The following MDFIC2 variants were observed in gnomAD, a reference collection of about 807,000 sequenced individuals.
The protein encoded by MDFIC2 is myoD family inhibitor domain-containing protein 2.
At chr3:70,287,871 G>C (rs376353497) in intron 2 of MDFIC2, among the ~76,000 whole-genome samples, 39 of 148,208 alleles carry the variant, frequency 2.6e-4, no homozygotes, top group South Asian at 4.3e-4. Flanking sequence ...ATTCTCTGAT[G>C]GTAGTTTGTA....
chr3:70,301,747 T>G (rs1702350750), intron 2 of MDFIC2, among the ~76,000 whole-genome samples: 1 of 152,104 alleles, frequency 6.6e-6, no homozygotes, highest in East Asian at 1.9e-4. Flanking sequence ...AAGATTTATT[T>G]ATATAAACTT....
At chr3:70,243,072 G>A (rs1701677166) in intron 2 of MDFIC2, among the ~76,000 whole-genome samples, 1 of 152,110 alleles carries the variant, frequency 6.6e-6, no homozygotes, top group Admixed American at 6.6e-5. Context: ...CTAATTGTAA[G>A]GTGGAGGAAT....
intron 2 of MDFIC2, among the ~76,000 whole-genome samples, chr3:70,273,004 C>G (rs1701988727): frequency 6.6e-6 from 1 of 152,180 alleles, no homozygotes. Flanking sequence ...CAAATCACTT[C>G]CTCCCTTATC....
At chr3:70,311,248 T>C (rs751190090) in intron 2 of MDFIC2, among the ~76,000 whole-genome samples, 72 of 152,178 alleles carry the variant, frequency 4.7e-4, no homozygotes, top group Non-Finnish European at 3.8e-4. Context: ...TGTTACCTTT[T>C]TGACATATTA....
At chr3:70,272,981 C>G (rs1159288319) in intron 2 of MDFIC2, among the ~76,000 whole-genome samples, 1 of 152,190 alleles carries the variant, frequency 6.6e-6, no homozygotes, top group Non-Finnish European at 1.5e-5. Context: ...ATCTTTTCGG[C>G]TTCAGTCCAG....
intron 2 of MDFIC2, among the ~76,000 whole-genome samples, chr3:70,293,963 A>T (rs1286406120): frequency 6.6e-6 from 1 of 152,092 alleles, no homozygotes; most frequent in Non-Finnish European, 1.5e-5. Context: ...GGAGCATACA[A>T]GCAGAAGCTC....
Position 70,266,576 on chromosome 3 carries a change from C to T in MDFIC2, c.88+45310G>A, listed in dbSNP as rs138462348. On this transcript the variant is annotated intron_variant, in intron 2 of 3. Coordinates refer to ENST00000567252, the MANE Select transcript of MDFIC2 (RefSeq NM_001364677.1). ...AGTAGCTGGGACTACAGGCACACAC[C>T]ACCACACAAGGGTGAATTTTTTTAT... Among the ~76,000 whole-genome samples, 976 of 152,072 alleles carry T rather than the reference C, an allele frequency of 6.4e-3. 12 individuals are homozygous for T. Among genetic ancestry groups the T allele is most frequent in the African/African-American group, 0.023 (948 of 41,476 alleles).
In MDFIC2 at chr3:70,263,644, C is replaced by T. The variant is rs148232169; in HGVS notation, c.88+48242G>A. ...CATGTAGATGGTATTCAGCAAAAGA[C>T]TCAAGGGAGCCCTACGCAAATTTAT... On this transcript the variant is annotated intron_variant, in intron 2 of 3. Transcript: ENST00000567252. Among the ~76,000 whole-genome samples the T allele has an allele frequency of 4.3e-4, 66 of 152,306 alleles. 1 individual carries two copies. Among genetic ancestry groups the T allele is most frequent in the African/African-American group, 1.5e-3 (64 of 41,570 alleles).
intron 3 of MDFIC2, chr3:70,205,779 G>A (rs1282625926): frequency 6.6e-6 from 1 of 152,002 alleles, no homozygotes; most frequent in Non-Finnish European, 1.5e-5. Context: ...ATGTAGACCA[G>A]AAACCATACC....
intron 2 of MDFIC2, among the ~76,000 whole-genome samples, chr3:70,235,525 A>T (rs1701598851): frequency 6.6e-6 from 1 of 152,228 alleles, no homozygotes; most frequent in South Asian, 2.1e-4. Context: ...CTAATCACCA[A>T]ATCAATGATC....
At chr3:70,291,692 C>A (rs942350245) in intron 2 of MDFIC2, 7 of 152,206 alleles carry the variant, frequency 4.6e-5, no homozygotes, top group Admixed American at 2.6e-4. Context: ...TCAGAATCCT[C>A]TTCAACACAA....
In MDFIC2 at chr3:70,195,228, T is replaced by G. The variant is rs1701164273; in HGVS notation, c.*1698A>C. On this transcript the variant is annotated 3_prime_UTR_variant, in exon 4 of 4. Transcript: ENST00000567252. ...TCTAGGAATCTATTTTTTTTTCTTC[T>G]AATGATCTACAAGTTCTATGCATTG... Among the ~76,000 whole-genome samples the G allele has an allele frequency of 2.0e-5, 3 of 152,202 alleles. No individual in the cohort carries two copies. The highest frequency in any genetic ancestry group is 7.2e-5 in the African/African-American group (3 of 41,462).
At chr3:70,197,579 T>A (rs1043037684) in intron 3 of MDFIC2, among the ~76,000 whole-genome samples, 2 of 152,188 alleles carry the variant, frequency 1.3e-5, no homozygotes, top group Non-Finnish European at 2.9e-5. Context: ...GCAGTTAGGA[T>A]TGGGGACAAG....
In MDFIC2 at chr3:70,274,253, A is replaced by G. The variant is rs552789138; in HGVS notation, c.88+37633T>C. Among the ~76,000 whole-genome samples, 16 of 152,232 alleles carry G rather than the reference A, an allele frequency of 1.1e-4. No individual in the cohort carries two copies. In the South Asian group the frequency reaches 2.3e-3, roughly 22 times the overall value. On this transcript the variant is annotated intron_variant, in intron 2 of 3. Transcript: ENST00000567252. The stretch of plus-strand genomic sequence containing the variant: ...TGTTTTAATACTCTCAGTTAGTTCA[A>G]CCAGGCAACTCAAATTTTAATATTT...
chr3:70,211,237 T>C (rs538045650), intron 2 of MDFIC2, among the ~76,000 whole-genome samples: 2 of 151,748 alleles, frequency 1.3e-5, no homozygotes, highest in African/African-American at 2.4e-5. Context: ...TTTCCCTTTT[T>C]CCTTTTCCTT....
intron 3 of MDFIC2, chr3:70,205,676 G>C (rs1701283184): frequency 6.6e-6 from 1 of 152,032 alleles, no homozygotes; most frequent in African/African-American, 2.4e-5. Context: ...AGACTTCAGA[G>C]GCAGAAGTGA....
intron 2 of MDFIC2, among the ~76,000 whole-genome samples, chr3:70,290,299 G>T (rs1286673077): frequency 6.6e-6 from 1 of 152,052 alleles, no homozygotes; most frequent in African/African-American, 2.4e-5. Context: ...TGAGCTGCAG[G>T]TCTGTTGGAG....
At chr3:70,287,609 AT>A (rs1468451418) in intron 2 of MDFIC2, among the ~76,000 whole-genome samples, 1 of 151,934 alleles carries the variant, frequency 6.6e-6, no homozygotes, top group Non-Finnish European at 1.5e-5. Flanking sequence ...TTTTCTATTG[AT>A]TGGAATAGTT....
intron 1 of MDFIC2, among the ~76,000 whole-genome samples, chr3:70,312,268 G>C (rs1218180193): frequency 6.6e-6 from 1 of 152,158 alleles, no homozygotes; most frequent in African/African-American, 2.4e-5. Context: ...CCATGGATTT[G>C]TAAGAAACAA....
Sources: gnomAD v4.1 joint callset for allele counts (sites outside exome capture counted in the v4.1 genomes callset) on GRCh38, gnomAD v4.1.1 for gene constraint, MANE v1.5 for transcripts, NCBI Gene and HGNC (gene_info 2026-07-23, HGNC 2026-07-21) for gene names.